GPX6: variants seen among roughly 807,000 people sequenced by gnomAD.
GPX6 encodes glutathione peroxidase 6, also known as glutathione peroxidase 6 (olfactory).
In GPX6, 21 loss-of-function variants were observed where a neutral mutation model predicts 20.0. That is an observed-to-expected ratio of 1.05 (90% confidence interval 0.74 to 1.51). The LOEUF is 1.51. Among genes scored for constraint, GPX6 ranks in the 40% most tolerant of loss-of-function variants. The pLI is 0.00. For missense variants in GPX6, 233 were observed against 254.7 expected (o/e 0.91, Z 0.58); for synonymous variants, 75 against 98.0 (o/e 0.77, Z 1.38).
chr6:28,515,769 G>A lies in GPX6; in HGVS notation c.-26C>T. The A allele has an allele frequency of 6.3e-7, 1 of 1,587,466 alleles. No individual in the cohort carries two copies. The highest frequency in any genetic ancestry group is 8.6e-7 in the Non-Finnish European group (1 of 1,156,232). On this transcript the variant is annotated 5_prime_UTR_variant, in exon 1 of 5. Transcript: ENST00000361902. ...GGCTAGGAGTTTTAGACGACTCTGA[G>A]GTCCCCAGGATTTCAGCCCCTTTTG...
At position 28,510,771 on chromosome 6, in the gene GPX6, C is replaced by G; in HGVS notation, c.221G>C (p.Gly74Ala). 1.2e-6 allele frequency: 2 copies of G among 1,613,836 alleles called. No homozygotes were observed. Among genetic ancestry groups the G allele is most frequent in the Non-Finnish European group, 1.7e-6 (2 of 1,179,962 alleles). Residue 74 changes from glycine (G) to alanine (A), a missense_variant, in exon 2 of 5, where the codon GGC (glycine) becomes GCC (alanine). Gly to Ala is a moderately conservative substitution (Grantham distance 60). Transcript: ENST00000361902. ...CTTACCAGGATACTGAGCTGCCAAG[C>G]CTCAATAGGCGGCCACATTGACAAA... is the stretch of plus-strand genomic sequence containing the variant. The part of the protein sequence containing the change: ...VLFVNVAAYU[G>A]LAAQYPELNA...
intron 1 of GPX6, among the ~76,000 whole-genome samples, chr6:28,515,325 A>G (rs1055271066): frequency 1.3e-5 from 2 of 152,124 alleles, no homozygotes; most frequent in Admixed American, 1.3e-4. Context: ...CGCTACTCCA[A>G]GTTATGGACC....
rs772772762 is a variant in GPX6 at position 28,504,521 on chromosome 6, A to G, written c.460-23T>C. 11 of 1,597,044 alleles carry G rather than the reference A, an allele frequency of 6.9e-6. No homozygotes were observed. The East Asian group carries it at 1.1e-4, about 16-fold the overall frequency. On this transcript the variant is annotated intron_variant, in intron 4 of 4. Transcript: ENST00000361902. The stretch of plus-strand genomic sequence containing the variant: ...GTTCTGGAGCAGAGATATAGAAAGT[A>G]GAGATATACATTTATTTCTACTTTA...
chr6:28,503,933 T>C lies in GPX6; in HGVS notation c.*359A>G, dbSNP rs1478250023. The C allele has an allele frequency of 2.3e-5, 5 of 216,740 alleles. No homozygotes were observed. The highest frequency in any genetic ancestry group is 2.1e-4 in the Admixed American group (4 of 18,886). The allele number at this position is 216,740 out of a possible 1,614,324, so 13.4% of individuals were successfully genotyped here. ...TTTTAGGGACACAGGATAGTCTGAT[T>C]CATCTACCCTAAAATATGATTTTCC... On this transcript the variant is annotated 3_prime_UTR_variant, in exon 5 of 5. Coordinates refer to ENST00000361902, the MANE Select transcript of GPX6 (RefSeq NM_182701.1).
chr6:28,509,451 T>C (rs1762839074), intron 2 of GPX6, among the ~76,000 whole-genome samples: 1 of 151,882 alleles, frequency 6.6e-6, no homozygotes, highest in African/African-American at 2.4e-5. Flanking sequence ...CAAGAATCAC[T>C]TGAACCTAGG....
chr6:28,504,381 C>T lies in GPX6; in HGVS notation c.577G>A (p.Val193Ile), dbSNP rs773774863. ...FEKFLVGPDGVPVMHWFHQAP... is the reference protein window; with the variant it reads ...FEKFLVGPDGIPVMHWFHQAP... Reference sequence around the variant, plus strand: ...TGGTGGAACCAATGCATGACAGGGACTCCATCGGGCCCCACCAGAAATTTC... The same window carrying T: ...TGGTGGAACCAATGCATGACAGGGATTCCATCGGGCCCCACCAGAAATTTC... The change falls in exon 5 of 5, where the codon GTC (valine) becomes ATC (isoleucine). Residue 193 changes from valine (V) to isoleucine (I), a missense_variant. By Grantham distance (29) the Val-to-Ile change is conservative (BLOSUM62 3). Transcript: ENST00000361902. 83 of 1,614,080 alleles carry T rather than the reference C, an allele frequency of 5.1e-5. No homozygotes were observed. In the Admixed American group the frequency reaches 5.8e-4, roughly 11 times the overall value.
intron 1 of GPX6, among the ~76,000 whole-genome samples, chr6:28,514,532 G>A (rs1056402966): frequency 2.0e-5 from 3 of 152,188 alleles, no homozygotes; most frequent in Non-Finnish European, 4.4e-5. Context: ...CTGTCTTATG[G>A]CTTGTAATAG....
chr6:28,510,569 A>C (rs1762853547), intron 2 of GPX6, among the ~76,000 whole-genome samples, 182 bp downstream of exon 2: 1 of 152,182 alleles, frequency 6.6e-6, no homozygotes, highest in African/African-American at 2.4e-5. Context: ...TTAGTTCTCA[A>C]ATCTGGAAAT....
chr6:28,515,626 A>G, intron 1 of GPX6, 31 bp downstream of exon 1: 1 of 1,573,250 alleles, frequency 6.4e-7, no homozygotes, highest in Non-Finnish European at 8.7e-7. Flanking sequence ...CACGTGCTGG[A>G]ATCAGCTCGG....
intron 2 of GPX6, among the ~76,000 whole-genome samples, chr6:28,509,867 G>C (rs890655349): frequency 6.6e-6 from 1 of 152,162 alleles, no homozygotes. Flanking sequence ...ATCAAAGGCT[G>C]CCCAGACAGA....
chr6:28,506,707 ACACACAC>A (rs1262420111), intron 2 of GPX6, among the ~76,000 whole-genome samples: 18 of 69,940 alleles, frequency 2.6e-4, no homozygotes, highest in African/African-American at 7.6e-4. Context: ...TTTTTTTTAA[ACACACAC>A]ACACACACAC....
chr6:28,512,469 G>T (rs997132152), intron 1 of GPX6, among the ~76,000 whole-genome samples: 2 of 152,180 alleles, frequency 1.3e-5, no homozygotes, highest in Admixed American at 1.3e-4. Flanking sequence ...AGCTAATCTA[G>T]TGGGGAAGTG....
In GPX6 at chr6:28,504,132, A is replaced by G; in HGVS notation, c.*160T>C. 1 of 634,468 alleles carries G rather than the reference A, an allele frequency of 1.6e-6. No homozygotes were observed. The highest frequency in any genetic ancestry group is 2.8e-6 in the Non-Finnish European group (1 of 356,910). The allele number at this position is 634,468 out of a possible 1,614,324, so 39.3% of individuals were successfully genotyped here. On this transcript the variant is annotated 3_prime_UTR_variant, in exon 5 of 5. Coordinates refer to ENST00000361902, the MANE Select transcript of GPX6 (RefSeq NM_182701.1). ...CACACACACACACACACAGCTACAC[A>G]CACATGCTAAGCAGGTGCTTGGGTA... is the stretch of plus-strand genomic sequence containing the variant.
Position 28,510,917 on chromosome 6 carries a change from A to G in GPX6, c.88-13T>C. On this transcript the variant is annotated splice_polypyrimidine_tract_variant and intron_variant, in intron 1 of 4. Transcript: ENST00000361902. The stretch of plus-strand genomic sequence containing the variant: ...TGTTGCAATCCACCTGGAATTTTAC[A>G]AAAATAACCATAACGATATAAGATA... The G allele has an allele frequency of 1.9e-6, 3 of 1,591,022 alleles. No homozygotes were observed. The highest frequency in any genetic ancestry group is 2.6e-6 in the Non-Finnish European group (3 of 1,166,472).
At chr6:28,513,296 T>C (rs980178951) in intron 1 of GPX6, among the ~76,000 whole-genome samples, 2 of 152,226 alleles carry the variant, frequency 1.3e-5, no homozygotes, top group Non-Finnish European at 2.9e-5. Context: ...AAGCTGCCTA[T>C]GGGTGGCTGA....
chr6:28,506,239 A>AG, intron 3 of GPX6, 73 bp downstream of exon 3: 1 of 878,020 alleles, frequency 1.1e-6, no homozygotes, highest in Non-Finnish European at 2.0e-6. Flanking sequence ...TTTCCAGAAT[A>AG]GGCAGGCATC....
chr6:28,510,852 G>T lies in GPX6; in HGVS notation c.140C>A (p.Thr47Asn). ...TTGGATGTACTCCTCGCCGTTGAGG[G>T]TGAGGGCTCCATACTCATAGATGGT... ...TGTIYEYGAL[T>N]LNGEEYIQFK... Residue 47 changes from threonine (T) to asparagine (N), a missense_variant, in exon 2 of 5, where the codon ACC becomes AAC. Physicochemically the swap from Thr to Asn is moderately conservative, Grantham distance 65 (BLOSUM62 0). Coordinates refer to ENST00000361902, the MANE Select transcript of GPX6 (RefSeq NM_182701.1). 1.9e-6 allele frequency: 3 copies of T among 1,614,034 alleles called. No individual in the cohort carries two copies. The highest frequency in any genetic ancestry group is 1.1e-5 in the South Asian group (1 of 91,068).
intron 1 of GPX6, among the ~76,000 whole-genome samples, chr6:28,513,087 G>A (rs1344346588): frequency 6.6e-6 from 1 of 152,198 alleles, no homozygotes; most frequent in Non-Finnish European, 1.5e-5. Context: ...AGGACATGGA[G>A]TTTGGCCGGG....
At chr6:28,510,928 T>C in intron 1 of GPX6, 24 bp from the exon 2 acceptor site, 1 of 1,583,274 alleles carries the variant, frequency 6.3e-7, no homozygotes, top group Non-Finnish European at 8.6e-7. Context: ...AAAATAACCA[T>C]AACGATATAA....
Sources: allele counts gnomAD v4.1 joint callset (sites outside exome capture counted in the v4.1 genomes callset), GRCh38; gene constraint gnomAD v4.1.1; transcripts MANE v1.5; gene names NCBI Gene and HGNC (gene_info 2026-07-23, HGNC 2026-07-21).